The following MSRA variants were observed in gnomAD, a reference collection of about 807,000 sequenced individuals.
MSRA encodes methionine sulfoxide reductase A, also known as mitochondrial peptide methionine sulfoxide reductase.
In MSRA, 54 loss-of-function variants were observed where a neutral mutation model predicts 31.3. The observed-to-expected ratio is 1.73, with a 90% CI of 1.39 to 2.17. The LOEUF (loss-of-function observed/expected upper bound fraction) is 2.17. MSRA is among the 30% of genes most tolerant of loss of function. The pLI, the probability that MSRA is intolerant of heterozygous loss-of-function variation, is 0.00. For missense variants in MSRA, 507 were observed against 300.9 expected, an observed-to-expected ratio of 1.69 and a Z score of -5.07; for synonymous variants, 169 against 116.5, an observed-to-expected ratio of 1.45 and a Z score of -2.90.
chr8:10,399,483 G>A (rs760436046), intron 5 of MSRA, among the ~76,000 whole-genome samples: 8 of 152,232 alleles, frequency 5.3e-5, no homozygotes, highest in Middle Eastern at 3.4e-3. Flanking sequence ...GTGCCTCTCC[G>A]GTCTCTTTTG....
chr8:10,376,515 T>C (rs1805764655), intron 5 of MSRA, among the ~76,000 whole-genome samples: 3 of 152,286 alleles, frequency 2.0e-5, no homozygotes, highest in South Asian at 4.1e-4. Context: ...ATCTCTACAA[T>C]AAGGGTAATG....
At chr8:10,151,021 G>T (rs1005597423) in intron 1 of MSRA, among the ~76,000 whole-genome samples, 1 of 151,940 alleles carries the variant, frequency 6.6e-6, no homozygotes, top group Non-Finnish European at 1.5e-5. Flanking sequence ...GGCAGTGATG[G>T]GGGGGTGGGG....
At chr8:10,116,359 A>ACC (rs754455570) in intron 1 of MSRA, among the ~76,000 whole-genome samples, 2 of 152,174 alleles carry the variant, frequency 1.3e-5, no homozygotes, top group Non-Finnish European at 2.9e-5. Context: ...AAGATTGGAC[A>ACC]CCCCCTGGAC....
At chr8:10,271,065 CT>C (rs71837112) in intron 3 of MSRA, among the ~76,000 whole-genome samples, 51,373 of 142,702 alleles carry the variant, frequency 0.36, 9,631 homozygotes, top group Admixed American at 0.51. Flanking sequence ...GTTCTTTCTT[CT>C]TTTTTTTTTT....
At chr8:10,205,732 G>T (rs1808905681) in intron 1 of MSRA, among the ~76,000 whole-genome samples, 1 of 152,180 alleles carries the variant, frequency 6.6e-6, no homozygotes, top group African/African-American at 2.4e-5. Flanking sequence ...CATAGTCTTT[G>T]TGTTTTCATT....
intron 4 of MSRA, among the ~76,000 whole-genome samples, chr8:10,319,090 C>G (rs1801893352): frequency 6.6e-6 from 1 of 152,170 alleles, no homozygotes; most frequent in Admixed American, 6.5e-5. Flanking sequence ...TTTTTTTAAC[C>G]TGCACAGATT....
chr8:10,108,342 T>C (rs2129012089), intron 1 of MSRA, among the ~76,000 whole-genome samples: 1 of 152,268 alleles, frequency 6.6e-6, no homozygotes, highest in African/African-American at 2.4e-5. Flanking sequence ...GAGCCCTCAT[T>C]AGGTGGGAGG....
intron 5 of MSRA, among the ~76,000 whole-genome samples, chr8:10,388,278 A>C (rs11774221): frequency 1.3e-5 from 2 of 152,112 alleles, no homozygotes; most frequent in Admixed American, 6.5e-5. Flanking sequence ...TTCGTGTTGC[A>C]GACTTGAGGC....
At chr8:10,383,223 C>T (rs995651202) in intron 5 of MSRA, among the ~76,000 whole-genome samples, 3 of 152,148 alleles carry the variant, frequency 2.0e-5, no homozygotes, top group African/African-American at 4.8e-5. Flanking sequence ...GTGCAGGCTT[C>T]CACAGGAGCT....
intron 3 of MSRA, among the ~76,000 whole-genome samples, chr8:10,261,772 A>G (rs1048415130): frequency 2.0e-5 from 3 of 152,152 alleles, no homozygotes; most frequent in African/African-American, 7.2e-5. Flanking sequence ...TACATTCTGT[A>G]GGTTTGACAA....
In MSRA at chr8:10,252,691, C is replaced by T. The variant is rs1364792135; in HGVS notation, c.331+7468C>T. ...GGCCTGCAGAATCAGGGCAAGTGGA[C>T]TGCAAATTGATTTGTCCACGAAGCA... On this transcript the variant is annotated intron_variant, in intron 3 of 5. Coordinates refer to ENST00000317173, the MANE Select transcript of MSRA (RefSeq NM_012331.5). Among the ~76,000 whole-genome samples, 6 of 152,330 alleles carry T rather than the reference C, an allele frequency of 3.9e-5. No homozygotes were observed. The East Asian group carries it at 9.7e-4, about 25-fold the overall frequency.
intron 3 of MSRA, among the ~76,000 whole-genome samples, chr8:10,263,314 C>G (rs1194223455): frequency 6.6e-6 from 1 of 152,186 alleles, no homozygotes; most frequent in African/African-American, 2.4e-5. Context: ...TTGATTTATC[C>G]TTCATCACCT....
intron 5 of MSRA, among the ~76,000 whole-genome samples, chr8:10,354,383 G>C (rs1487628918): frequency 6.6e-6 from 1 of 152,228 alleles, no homozygotes; most frequent in African/African-American, 2.4e-5. Flanking sequence ...CAGCAAGAAT[G>C]AGTAAGCGAG....
chr8:10,256,612 GCCAC>G (rs1243779517), intron 3 of MSRA, among the ~76,000 whole-genome samples: 7 of 152,048 alleles, frequency 4.6e-5, no homozygotes, highest in African/African-American at 7.2e-5. Flanking sequence ...TCTTTTCTGA[GCCAC>G]ATAAGTAAGA....
intron 5 of MSRA, among the ~76,000 whole-genome samples, chr8:10,370,390 T>C (rs1805408928): frequency 6.6e-6 from 1 of 152,230 alleles, no homozygotes; most frequent in African/African-American, 2.4e-5. Context: ...TGGCATAGCA[T>C]ACGGGCGGCC....
intron 1 of MSRA, among the ~76,000 whole-genome samples, chr8:10,180,276 G>A (rs1443400585): frequency 6.6e-6 from 1 of 152,168 alleles, no homozygotes; most frequent in Non-Finnish European, 1.5e-5. Flanking sequence ...TACAACTCAG[G>A]ACCAACCCAA....
At chr8:10,207,751 C>T in intron 1 of MSRA, 82 bp from the exon 2 acceptor site, 1 of 1,260,368 alleles carries the variant, frequency 7.9e-7, no homozygotes, top group Admixed American at 2.2e-5. Flanking sequence ...GAGAAATAGG[C>T]TCATTGACAC....
At chr8:10,309,831 C>G (rs559568217) in intron 4 of MSRA, among the ~76,000 whole-genome samples, 5 of 152,120 alleles carry the variant, frequency 3.3e-5, no homozygotes, top group Admixed American at 1.3e-4. Flanking sequence ...CTGCTCCAGG[C>G]GAGTTTTTTC....
At chr8:10,337,334 C>G (rs180915583) in intron 5 of MSRA, among the ~76,000 whole-genome samples, 4 of 152,110 alleles carry the variant, frequency 2.6e-5, no homozygotes, top group Non-Finnish European at 5.9e-5. Context: ...CGCCCGCCAC[C>G]ACGCCTGGCT....
Sources: gnomAD v4.1 joint callset for allele counts (sites outside exome capture counted in the v4.1 genomes callset) on GRCh38, gnomAD v4.1.1 for gene constraint, MANE v1.5 for transcripts, NCBI Gene and HGNC (gene_info 2026-07-23, HGNC 2026-07-21) for gene names.